The following GPC6 variants were observed in gnomAD, a reference collection of about 807,000 sequenced individuals.
GPC6 encodes glypican-6.
Under a neutral mutation model 55.2 loss-of-function variants are expected in GPC6, and 14 were observed. The ratio of observed to expected loss-of-function variants is 0.25; its 90% CI spans 0.17 to 0.40. The LOEUF is 0.40. GPC6 is among the 10% of genes least tolerant of loss of function. The pLI, the probability that GPC6 is intolerant of heterozygous loss-of-function variation, is 1.00. For missense variants in GPC6, 641 were observed against 708.5 expected (o/e 0.90, Z 1.08); for synonymous variants, 278 against 259.6 (o/e 1.07, Z -0.68).
At chr13:93,478,284 T>G (rs988075164) in intron 1 of GPC6, among the ~76,000 whole-genome samples, 3 of 152,196 alleles carry the variant, frequency 2.0e-5, no homozygotes, top group African/African-American at 7.2e-5. Flanking sequence ...TCTTCAGTTC[T>G]TCTCTTTAGG....
chr13:94,045,204 T>C lies in GPC6; in HGVS notation c.877+17310T>C, dbSNP rs141127982. Among the ~76,000 whole-genome samples, 537 of 151,990 alleles carry C rather than the reference T, an allele frequency of 3.5e-3. 2 individuals are homozygous for C. The highest frequency in any genetic ancestry group is 0.01 in the South Asian group (49 of 4,826). On this transcript the variant is annotated intron_variant, in intron 4 of 8. Coordinates refer to ENST00000377047, the MANE Select transcript of GPC6 (RefSeq NM_005708.5). ...ATGAAGAGGTCTGTAATAACAGCAATTATGGAAAAGTAATTTACTGATTGT... is the reference window on the plus strand; with the variant it reads ...ATGAAGAGGTCTGTAATAACAGCAACTATGGAAAAGTAATTTACTGATTGT...
At chr13:94,185,529 T>C (rs1032462592) in intron 4 of GPC6, among the ~76,000 whole-genome samples, 20 of 151,790 alleles carry the variant, frequency 1.3e-4, no homozygotes, top group Admixed American at 6.6e-5. Context: ...TATTACTAAA[T>C]ATTGGTTTTC....
chr13:94,389,802 C>G (rs1337420719), intron 7 of GPC6, among the ~76,000 whole-genome samples: 2 of 152,188 alleles, frequency 1.3e-5, no homozygotes, highest in Non-Finnish European at 2.9e-5. Context: ...TCCCTCTCCC[C>G]CATAAAACTG....
At chr13:93,530,313 T>A (rs1260612878) in intron 1 of GPC6, among the ~76,000 whole-genome samples, 1 of 152,170 alleles carries the variant, frequency 6.6e-6, no homozygotes, top group Non-Finnish European at 1.5e-5. Context: ...AGAACCATAG[T>A]CCCCACTGTC....
chr13:94,148,143 G>T (rs571340641), intron 4 of GPC6, among the ~76,000 whole-genome samples: 9 of 152,242 alleles, frequency 5.9e-5, no homozygotes, highest in Admixed American at 4.6e-4. Flanking sequence ...TTCAATACTT[G>T]CTTTTCTCAA....
rs372827338 is a variant in GPC6 at position 93,933,375 on chromosome 13, A to G, written c.712-94354A>G. Among the ~76,000 whole-genome samples, 7 of 152,234 alleles carry G rather than the reference A, an allele frequency of 4.6e-5. No homozygotes were observed. The East Asian group carries it at 1.4e-3, about 29-fold the overall frequency. ...GAATTACCCACCCCTAAGTGACAAT[A>G]GTTTCAAGGTTGAGAAACTCTGACA... On this transcript the variant is annotated intron_variant, in intron 3 of 8. Coordinates refer to ENST00000377047, the MANE Select transcript of GPC6 (RefSeq NM_005708.5).
chr13:93,631,033 T>G (rs1879406493), intron 2 of GPC6, among the ~76,000 whole-genome samples: 1 of 152,188 alleles, frequency 6.6e-6, no homozygotes, highest in African/African-American at 2.4e-5. Context: ...CCATGTGAAG[T>G]TACACGGAGA....
At chr13:94,122,711 A>G (rs1006400156) in intron 4 of GPC6, among the ~76,000 whole-genome samples, 1 of 152,126 alleles carries the variant, frequency 6.6e-6, no homozygotes, top group Admixed American at 6.6e-5. Flanking sequence ...CAGCCAGAAG[A>G]GAGCTATTTC....
intron 2 of GPC6, among the ~76,000 whole-genome samples, chr13:93,640,685 C>T (rs1349512981): frequency 2.0e-5 from 3 of 150,160 alleles, no homozygotes; most frequent in African/African-American, 4.9e-5. Flanking sequence ...TCCCTCCCTC[C>T]CCGCTCCCTG....
At chr13:94,097,240 G>A (rs1003905336) in intron 4 of GPC6, among the ~76,000 whole-genome samples, 1 of 151,924 alleles carries the variant, frequency 6.6e-6, no homozygotes, top group African/African-American at 2.4e-5. Flanking sequence ...CGGTGGCTCA[G>A]GCCTGTAATC....
At chr13:94,258,726 T>C (rs1002029634) in intron 4 of GPC6, among the ~76,000 whole-genome samples, 4 of 152,182 alleles carry the variant, frequency 2.6e-5, no homozygotes, top group Middle Eastern at 3.2e-3. Flanking sequence ...CACAGGCTGG[T>C]TTCGTTGCAA....
chr13:93,262,292 T>C (rs983188469), intron 1 of GPC6, among the ~76,000 whole-genome samples: 3 of 151,968 alleles, frequency 2.0e-5, no homozygotes, highest in Non-Finnish European at 4.4e-5. Context: ...GAAGGAAGGG[T>C]TCCCGAAAAA....
intron 5 of GPC6, among the ~76,000 whole-genome samples, chr13:94,298,326 C>T (rs752527594): frequency 9.9e-5 from 15 of 152,182 alleles, no homozygotes; most frequent in Non-Finnish European, 1.9e-4. Flanking sequence ...CGTGAATGCT[C>T]CCAGGCACAC....
intron 1 of GPC6, among the ~76,000 whole-genome samples, chr13:93,401,057 A>C (rs1197456152): frequency 6.6e-6 from 1 of 152,122 alleles, no homozygotes; most frequent in Non-Finnish European, 1.5e-5. Flanking sequence ...GCATTATTCA[A>C]TATGTAGCAT....
chr13:93,888,663 T>A (rs1875485528), intron 3 of GPC6, among the ~76,000 whole-genome samples: 1 of 152,134 alleles, frequency 6.6e-6, no homozygotes, highest in South Asian at 2.1e-4. Flanking sequence ...TGGTTATAAG[T>A]TTTTTCCTGA....
chr13:93,861,427 T>C (rs768627615), intron 3 of GPC6, among the ~76,000 whole-genome samples: 14 of 148,412 alleles, frequency 9.4e-5, no homozygotes, highest in Non-Finnish European at 1.9e-4. Flanking sequence ...AAAAAGAAAA[T>C]ATTCATATCT....
intron 2 of GPC6, among the ~76,000 whole-genome samples, chr13:93,824,133 GA>G (rs1163579447): frequency 6.6e-6 from 1 of 152,008 alleles, no homozygotes; most frequent in African/African-American, 2.4e-5. Flanking sequence ...TGATGTTTAA[GA>G]AAAAAATACT....
Position 93,917,049 on chromosome 13 carries a change from C to T in GPC6, c.711+86504C>T, listed in dbSNP as rs964148464. Among the ~76,000 whole-genome samples the T allele has an allele frequency of 4.0e-4, 61 of 152,114 alleles. 2 individuals are homozygous for T. Among genetic ancestry groups the T allele is most frequent in the Non-Finnish European group, 7.4e-5 (5 of 68,026 alleles). Reference sequence around the variant, plus strand: ...ATTATTTTCTTCCATAATAAGTTAACAAGACATCTCTTTCATAAACAAATG... The same window carrying T: ...ATTATTTTCTTCCATAATAAGTTAATAAGACATCTCTTTCATAAACAAATG... On this transcript the variant is annotated intron_variant, in intron 3 of 8. Transcript: ENST00000377047.
chr13:93,767,671 A>G (rs992718344), intron 2 of GPC6, among the ~76,000 whole-genome samples: 2 of 152,282 alleles, frequency 1.3e-5, no homozygotes, highest in South Asian at 4.1e-4. Flanking sequence ...AATTATTGGA[A>G]ACACTCTTGC....
Sources: allele counts gnomAD v4.1 joint callset (sites outside exome capture counted in the v4.1 genomes callset), GRCh38; gene constraint gnomAD v4.1.1; transcripts MANE v1.5; gene names NCBI Gene and HGNC (gene_info 2026-07-23, HGNC 2026-07-21).